Variants in RC3H2 observed in about 807,000 individuals in gnomAD.
The protein encoded by RC3H2 is ring finger and CCCH-type domains 2.
A neutral mutation model predicts 133.3 loss-of-function variants in RC3H2; 31 were observed. The ratio of observed to expected loss-of-function variants is 0.23; its 90% confidence interval spans 0.17 to 0.31. The LOEUF (loss-of-function observed/expected upper bound fraction) is 0.31. Ranked by LOEUF, RC3H2 falls within the 10% of genes least tolerant of loss-of-function variation. The probability of loss-of-function intolerance (pLI) is 1.00; values close to 1 mark genes in which losing one functional copy is unlikely to be tolerated. For synonymous variants in RC3H2, 517 were observed against 502.2 expected, an observed-to-expected ratio of 1.03 and a Z score of -0.40; for missense variants, 1,175 against 1,437.2, an observed-to-expected ratio of 0.82 and a Z score of 2.95.
At chr9:122,852,114 G>C (rs58012568) in intron 18 of RC3H2, among the ~76,000 whole-genome samples, 4 of 132,742 alleles carry the variant, frequency 3.0e-5, no homozygotes, top group East Asian at 2.2e-4. Flanking sequence ...CCGGCCGCCC[G>C]TCGTCTGGGA....
At position 122,899,090 on chromosome 9, in the gene RC3H2, G is replaced by GGT. The variant is rs1564322863; in HGVS notation, c.-67-1515_-67-1514insAC. On this transcript the variant is annotated intron_variant, in intron 1 of 20. Coordinates refer to ENST00000357244, the MANE Select transcript of RC3H2 (RefSeq NM_001100588.3). ...AAAAAATTCTATTAGCCTTTATTGT[G>GGT]TTTTTTTTTTTTTTTTTTTTTTTTT... Among the ~76,000 whole-genome samples the GGT allele has an allele frequency of 4.2e-4, 37 of 88,390 alleles. 14 individuals carry two copies. Among genetic ancestry groups the GGT allele is most frequent in the Non-Finnish European group, 4.1e-4 (20 of 49,374 alleles). The allele number at this position is 88,390 out of a possible 152,430, so 58.0% of individuals were successfully genotyped here. A position where few individuals can be genotyped will look rare whatever the true frequency, so the allele number is the denominator to read the frequency against.
In RC3H2 at chr9:122,851,191, A is replaced by C; in HGVS notation, c.3270T>G (p.Asn1090Lys). 1 of 1,614,156 alleles carries C rather than the reference A, an allele frequency of 6.2e-7. No individual in the cohort carries two copies. Among genetic ancestry groups the C allele is most frequent in the South Asian group, 1.1e-5 (1 of 91,080 alleles). The stretch of plus-strand genomic sequence containing the variant: ...CTGCCATTCCATTTAGCAACTGATC[A>C]TTTTGAGAACTGATACCAAGCTGTA... ...LDIQLGISSQ[N>K]DQLLNGMAVE... The change falls in exon 20 of 21, where the codon AAT (asparagine) becomes AAG (lysine). Residue 1090 changes from asparagine (N) to lysine (K), a missense_variant. Physicochemically the swap from Asn to Lys is moderately conservative, Grantham distance 94. Around this residue, in one of 8 missense-constraint regions of RC3H2, gnomAD observed 220 missense variants for 201.1 expected, o/e 1.09. Coordinates refer to ENST00000357244, the MANE Select transcript of RC3H2 (RefSeq NM_001100588.3).
chr9:122,866,746 A>G (rs890412439), intron 9 of RC3H2, among the ~76,000 whole-genome samples: 4 of 152,238 alleles, frequency 2.6e-5, no homozygotes, highest in Admixed American at 6.5e-5. Context: ...GTGTGATCTC[A>G]GCTCGCTACA....
intron 9 of RC3H2, among the ~76,000 whole-genome samples, chr9:122,876,011 C>T (rs1030153964): frequency 2.0e-5 from 3 of 151,784 alleles, no homozygotes; most frequent in Non-Finnish European, 2.9e-5. Context: ...GGGTGGACAG[C>T]GAGAGATTTA....
intron 20 of RC3H2, among the ~76,000 whole-genome samples, chr9:122,850,684 G>A (rs950884377): frequency 1.2e-4 from 18 of 151,952 alleles, no homozygotes; most frequent in Admixed American, 5.2e-4. Context: ...TGATCCACCC[G>A]CCTCAGCCTT....
rs1486529440 is a variant in RC3H2, at chr9:122,855,192, C to T, written c.2807G>A (p.Ser936Asn). ...ASQGSATKPI[S>N]VSDYVPYVNA... Reference sequence around the variant, plus strand: ...TTATCTAAATGGATTACCTGATACACTGATGGGCTTAGTCGCACTTCCTTG... The same window carrying T: ...TTATCTAAATGGATTACCTGATACATTGATGGGCTTAGTCGCACTTCCTTG... The change falls in exon 15 of 21, where the codon AGT becomes AAT. Residue 936 changes from serine to asparagine, a missense_variant. Around this residue, in one of 8 missense-constraint regions of RC3H2, gnomAD observed 138 missense variants for 215.0 expected, o/e 0.64. Coordinates refer to ENST00000357244, the MANE Select transcript of RC3H2 (RefSeq NM_001100588.3). 6.2e-7 allele frequency: 1 copy of T among 1,610,874 alleles called. No homozygotes were observed. The highest frequency in any genetic ancestry group is 2.2e-5 in the East Asian group (1 of 44,800).
intron 2 of RC3H2, among the ~76,000 whole-genome samples, chr9:122,893,959 C>T (rs139851436): frequency 1.8e-4 from 28 of 152,034 alleles, no homozygotes; most frequent in Non-Finnish European, 3.2e-4. Flanking sequence ...TTTGTAGTGC[C>T]GCTATAAAAG....
intron 10 of RC3H2, among the ~76,000 whole-genome samples, chr9:122,860,405 C>CT (rs3049159): frequency 7.0e-5 from 7 of 99,942 alleles, no homozygotes; most frequent in Admixed American, 3.3e-4. Context: ...TTTACCCATT[C>CT]TTTTTTTTTT....
Position 122,854,208 on chromosome 9 carries a change from G to T in RC3H2, c.2959C>A (p.Leu987Ile). The T allele has an allele frequency of 3.1e-6, 5 of 1,613,876 alleles. No individual in the cohort carries two copies. Among genetic ancestry groups the T allele is most frequent in the Non-Finnish European group, 4.2e-6 (5 of 1,179,950 alleles). ...ACCTGCTGAAGTTCAAGGCTCAAAAGGTCCCCAGTACTGGAATGCTTTCTA... is the reference window on the plus strand; with the variant it reads ...ACCTGCTGAAGTTCAAGGCTCAAAATGTCCCCAGTACTGGAATGCTTTCTA... ...GHRKHSSTGD[L>I]LSLELQQAKS... Residue 987 changes from leucine to isoleucine, a missense_variant, in exon 17 of 21, where the codon CTT becomes ATT. By Grantham distance (5) the Leu-to-Ile change is conservative. Coordinates refer to ENST00000357244, the MANE Select transcript of RC3H2 (RefSeq NM_001100588.3).
intron 1 of RC3H2, among the ~76,000 whole-genome samples, chr9:122,902,808 G>A (rs1588120860): frequency 6.8e-6 from 1 of 147,462 alleles, no homozygotes; most frequent in African/African-American, 2.5e-5. Flanking sequence ...CCCGAATGGT[G>A]CCACTGCACT....
chr9:122,884,651 G>A (rs1377188400), intron 4 of RC3H2, among the ~76,000 whole-genome samples: 2 of 151,934 alleles, frequency 1.3e-5, no homozygotes, highest in African/African-American at 2.4e-5. Flanking sequence ...TCATGAGTTC[G>A]AGACCATCCT....
intron 9 of RC3H2, chr9:122,875,161 C>T: frequency 1.3e-6 from 2 of 1,539,696 alleles, no homozygotes; most frequent in Admixed American, 2.1e-5. Flanking sequence ...CATCTTTTTT[C>T]CTTAGGACTC....
At chr9:122,853,392 A>G (rs917678598) in intron 18 of RC3H2, among the ~76,000 whole-genome samples, 8 of 151,202 alleles carry the variant, frequency 5.3e-5, no homozygotes, top group Admixed American at 2.0e-4. Context: ...AAAAAAAAAA[A>G]AAAAAGAAAA....
In RC3H2 at chr9:122,883,342, T is replaced by C. The variant is rs759822117; in HGVS notation, c.621A>G (p.Ala207=). The change falls in exon 5 of 21, where the codon GCA becomes GCG. Residue 207 remains alanine (A), a synonymous_variant. Coordinates refer to ENST00000357244, the MANE Select transcript of RC3H2 (RefSeq NM_001100588.3). The stretch of plus-strand genomic sequence containing the variant: ...TTGAGAGGGCAGAACCATCTTCTAA[T>C]GCCAGTAACACCAGCTTCAAGGCCT... ...QEEALKLVLL[A]LEDGSALSRK... 1 of 1,612,412 alleles carries C rather than the reference T, an allele frequency of 6.2e-7. No individual in the cohort carries two copies. Among genetic ancestry groups the C allele is most frequent in the South Asian group, 1.1e-5 (1 of 90,648 alleles).
chr9:122,869,325 T>C (rs1028420215), intron 9 of RC3H2, among the ~76,000 whole-genome samples: 1 of 152,180 alleles, frequency 6.6e-6, no homozygotes, highest in Non-Finnish European at 1.5e-5. Context: ...TATAAACATA[T>C]GGTAATTAAA....
intron 1 of RC3H2, among the ~76,000 whole-genome samples, chr9:122,899,477 T>C (rs754455866): frequency 3.3e-5 from 5 of 152,254 alleles, no homozygotes; most frequent in Non-Finnish European, 4.4e-5. Context: ...AGCACCCCTA[T>C]ACAAACTTTC....
chr9:122,892,916 T>G lies in RC3H2; in HGVS notation c.342A>C (p.Gly114=). Residue 114 remains glycine, a synonymous_variant, in exon 3 of 21, where the codon GGA becomes GGC. Transcript: ENST00000357244. ...DLALYLKPLS[G]GKGVASLNQS... ...TGCATTTTATGAACTTACCTTTACCTCCACTTAGTGGTTTTAAGTAGAGTG... is the reference window on the plus strand; with the variant it reads ...TGCATTTTATGAACTTACCTTTACCGCCACTTAGTGGTTTTAAGTAGAGTG... The G allele has an allele frequency of 6.2e-7, 1 of 1,612,566 alleles. No homozygotes were observed. The highest frequency in any genetic ancestry group is 8.5e-7 in the Non-Finnish European group (1 of 1,179,274).
chr9:122,868,981 A>C (rs1830927241), intron 9 of RC3H2, among the ~76,000 whole-genome samples: 1 of 148,046 alleles, frequency 6.8e-6, no homozygotes, highest in Non-Finnish European at 1.5e-5. Flanking sequence ...GGCTCACTGC[A>C]ACCTCCGCCT....
At chr9:122,882,179 A>T (rs1417179300) in intron 5 of RC3H2, among the ~76,000 whole-genome samples, 2 of 152,108 alleles carry the variant, frequency 1.3e-5, no homozygotes, top group African/African-American at 2.4e-5. Context: ...CTTAAGTAGT[A>T]AAAAAAACTA....
Sources: gnomAD v4.1 joint callset for allele counts (sites outside exome capture counted in the v4.1 genomes callset) on GRCh38, gnomAD v4.1.1 for gene constraint, gnomAD v4.1.1 regional missense constraint, MANE v1.5 for transcripts, NCBI Gene and HGNC (gene_info 2026-07-23, HGNC 2026-07-21) for gene names.